Variants in IP6K2 observed in about 807,000 individuals in gnomAD.
The protein encoded by IP6K2 is inositol hexakisphosphate kinase 2, also known as ATP:1D-myo-inositol-hexakisphosphate phosphotransferase.
Under a neutral mutation model 43.3 loss-of-function variants are expected in IP6K2, and 9 were observed. The observed-to-expected ratio is 0.21, with a 90% CI of 0.13 to 0.36. The LOEUF (loss-of-function observed/expected upper bound fraction) is 0.36. Ranked by LOEUF, IP6K2 falls within the 10% of genes least tolerant of loss-of-function variation. The pLI is 1.00. For synonymous variants in IP6K2, 209 were observed against 202.4 expected (o/e 1.03, Z -0.28); for missense variants, 332 against 538.4 (o/e 0.62, Z 3.79).
At position 48,688,337 on chromosome 3, in the gene IP6K2, T is replaced by C. The variant is rs2077505771; in HGVS notation, c.1217A>G (p.Tyr406Cys). 1.9e-6 allele frequency: 3 copies of C among 1,614,206 alleles called. No homozygotes were observed. Among genetic ancestry groups the C allele is most frequent in the Non-Finnish European group, 2.5e-6 (3 of 1,180,036 alleles). The stretch of plus-strand genomic sequence containing the variant: ...TATCAGGCTCTGGAGCCCGAAGATA[T>C]AGCCAGCATCCTGGCCCTCATGCAC... The part of the protein sequence containing the change: ...TVVHEGQDAG[Y>C]IFGLQSLIDI... The change falls in exon 6 of 6, where the codon TAT (tyrosine) becomes TGT (cysteine). Residue 406 changes from tyrosine (Y) to cysteine (C), a missense_variant. By Grantham distance (194) the Tyr-to-Cys change is radical. Transcript: ENST00000328631. The surrounding 1 kb of genome is among the most constrained non-coding windows in gnomAD (Gnocchi z 5.1).
In IP6K2 at chr3:48,688,819, A is replaced by C. The variant is rs879017039; in HGVS notation, c.781-46T>G. The C allele has an allele frequency of 6.4e-7, 1 of 1,550,922 alleles. No individual in the cohort carries two copies. The highest frequency in any genetic ancestry group is 8.7e-7 in the Non-Finnish European group (1 of 1,148,272). On this transcript the variant is annotated intron_variant, in intron 5 of 5. Coordinates refer to ENST00000328631, the MANE Select transcript of IP6K2 (RefSeq NM_016291.4). The surrounding 1 kb of genome is among the most constrained non-coding windows in gnomAD (Gnocchi z 5.1). ...AGTCAGGGGCTGAGGGCCATCTCAA[A>C]CCCTGGACCCCGGGCGGGGGTGGGG...
Position 48,705,103 on chromosome 3 carries a change from G to A in IP6K2, c.-130-9682C>T, listed in dbSNP as rs898305356. On this transcript the variant is annotated intron_variant, in intron 1 of 5. Transcript: ENST00000328631. ...TCTACAGGCGTCTGCCACCACACCC[G>A]GCTAATTTTTTGTATTTTTTTAGTA... Among the ~76,000 whole-genome samples, 8 of 152,146 alleles carry A rather than the reference G, an allele frequency of 5.3e-5. No individual in the cohort carries two copies. In the South Asian group the frequency reaches 8.3e-4, roughly 16 times the overall value.
intron 1 of IP6K2, among the ~76,000 whole-genome samples, chr3:48,715,801 G>C (rs1407110059): frequency 2.3e-5 from 3 of 132,020 alleles, no homozygotes; most frequent in African/African-American, 8.6e-5. Context: ...TTCTCCATTT[G>C]ATTTCTAACA....
At chr3:48,700,759 G>A (rs992450835) in intron 1 of IP6K2, among the ~76,000 whole-genome samples, 1 of 152,070 alleles carries the variant, frequency 6.6e-6, no homozygotes. Flanking sequence ...CTACAAAATG[G>A]GATCCACTGG....
intron 4 of IP6K2, 95 bp downstream of exon 4, chr3:48,691,212 A>G (rs2077753932): frequency 9.6e-7 from 1 of 1,036,352 alleles, no homozygotes; most frequent in Non-Finnish European, 1.4e-6. Context: ...AACCATGACT[A>G]TAAAAACCTA....
At chr3:48,714,780 G>A (rs763110663) in intron 1 of IP6K2, among the ~76,000 whole-genome samples, 18 of 151,084 alleles carry the variant, frequency 1.2e-4, no homozygotes, top group Non-Finnish European at 2.4e-4. Flanking sequence ...CCCGGAAGGC[G>A]GAGCTTGCAG....
At chr3:48,689,400 A>C in intron 5 of IP6K2, 138 bp downstream of exon 5, 1 of 855,634 alleles carries the variant, frequency 1.2e-6, no homozygotes, top group Non-Finnish European at 1.8e-6. Context: ...TGATCCACCC[A>C]CCTTGACCCC....
intron 1 of IP6K2, among the ~76,000 whole-genome samples, chr3:48,706,576 G>A (rs187195368): frequency 6.6e-6 from 1 of 152,180 alleles, no homozygotes; most frequent in African/African-American, 2.4e-5. Context: ...CAGGCCAGGT[G>A]CGGTGGCTCA....
Position 48,688,791 on chromosome 3 carries a change from G to T in IP6K2, c.781-18C>A. 6.3e-7 allele frequency: 1 copy of T among 1,584,822 alleles called. No individual in the cohort carries two copies. The highest frequency in any genetic ancestry group is 8.6e-7 in the Non-Finnish European group (1 of 1,163,402). The stretch of plus-strand genomic sequence containing the variant: ...TGGTACACCTGTAGGAGAGAGACCA[G>T]CAAGTCAGGGGCTGAGGGCCATCTC... On this transcript the variant is annotated intron_variant, in intron 5 of 5. Coordinates refer to ENST00000328631, the MANE Select transcript of IP6K2 (RefSeq NM_016291.4). The surrounding 1 kb of genome is among the most constrained non-coding windows in gnomAD (Gnocchi z 5.1).
At position 48,691,456 on chromosome 3, in the gene IP6K2, C is replaced by A. The variant is rs2077771289; in HGVS notation, c.455G>T (p.Trp152Leu). ...GTACAAGACTTCAGATTTCTTTAGC[C>A]ACTCAAATTCTTCTTCTAACTTATG... Reference protein sequence around the residue: ...KSHKLEEEFEWLKKSEVLYYT... With the variant: ...KSHKLEEEFELLKKSEVLYYT... The change falls in exon 4 of 6, where the codon TGG becomes TTG. Residue 152 changes from tryptophan (W) to leucine (L), a missense_variant. By Grantham distance (61) the Trp-to-Leu change is moderately conservative (BLOSUM62 -2). Transcript: ENST00000328631. 1 of 1,610,942 alleles carries A rather than the reference C, an allele frequency of 6.2e-7. No individual in the cohort carries two copies. The highest frequency in any genetic ancestry group is 1.3e-5 in the African/African-American group (1 of 74,754).
At chr3:48,706,080 G>A (rs1447449233) in intron 1 of IP6K2, among the ~76,000 whole-genome samples, 4 of 151,512 alleles carry the variant, frequency 2.6e-5, no homozygotes, top group Admixed American at 6.6e-5. Flanking sequence ...GGTGGTGGGC[G>A]CCTATATTCC....
chr3:48,696,649 A>G lies in IP6K2; in HGVS notation c.-130-1228T>C, dbSNP rs561397008. Among the ~76,000 whole-genome samples, 4 of 152,266 alleles carry G rather than the reference A, an allele frequency of 2.6e-5. No individual in the cohort carries two copies. The South Asian group carries it at 8.3e-4, about 32-fold the overall frequency. Reference sequence around the variant, plus strand: ...CTAATTTACAAATTAGACAGTCTCTACTAGCATTACTTACAGGGCTTGAGT... The same window carrying G: ...CTAATTTACAAATTAGACAGTCTCTGCTAGCATTACTTACAGGGCTTGAGT... On this transcript the variant is annotated intron_variant, in intron 1 of 5. Transcript: ENST00000328631.
intron 4 of IP6K2, among the ~76,000 whole-genome samples, chr3:48,690,470 TACA>T (rs962782787): frequency 6.7e-6 from 1 of 150,296 alleles, no homozygotes; most frequent in African/African-American, 2.5e-5. Flanking sequence ...ACCTTACCTC[TACA>T]AAGGGGAGGG....
At chr3:48,692,122 C>T (rs1031204199) in intron 3 of IP6K2, among the ~76,000 whole-genome samples, 2 of 152,150 alleles carry the variant, frequency 1.3e-5, no homozygotes, top group African/African-American at 4.8e-5. Context: ...CATGAGCCAC[C>T]GCACCCGGCC....
chr3:48,699,564 T>C (rs2078797494), intron 1 of IP6K2: 1 of 152,210 alleles, frequency 6.6e-6, no homozygotes, highest in African/African-American at 2.4e-5. Flanking sequence ...CATAGGTTGC[T>C]GCTCTTGGGA....
At chr3:48,701,789 T>C (rs1176408753) in intron 1 of IP6K2, among the ~76,000 whole-genome samples, 9 of 151,884 alleles carry the variant, frequency 5.9e-5, no homozygotes, top group Non-Finnish European at 1.2e-4. Context: ...TCCCACCTGC[T>C]TGGGAGGCTG....
chr3:48,690,993 A>G (rs776058769), intron 4 of IP6K2, among the ~76,000 whole-genome samples: 1 of 152,080 alleles, frequency 6.6e-6, no homozygotes, highest in Non-Finnish European at 1.5e-5. Context: ...AACAGGGAGC[A>G]GCTCCTTGCC....
chr3:48,692,372 C>T (rs2077876176), intron 3 of IP6K2, among the ~76,000 whole-genome samples: 2 of 152,226 alleles, frequency 1.3e-5, no homozygotes, highest in Non-Finnish European at 2.9e-5. Context: ...AGAGCCTTCA[C>T]TGCCCTCTTC....
intron 1 of IP6K2, among the ~76,000 whole-genome samples, chr3:48,697,037 TGGAGA>T (rs2078435740): frequency 6.8e-6 from 1 of 147,108 alleles, no homozygotes; most frequent in Non-Finnish European, 1.5e-5. Flanking sequence ...TTTTTTTTTT[TGGAGA>T]TGGAGTCTCG....
Sources: gnomAD v4.1 joint callset for allele counts (sites outside exome capture counted in the v4.1 genomes callset) on GRCh38, gnomAD v4.1.1 for gene constraint, Gnocchi (gnomAD v3.1) non-coding constraint, MANE v1.5 for transcripts, NCBI Gene and HGNC (gene_info 2026-07-23, HGNC 2026-07-21) for gene names.